WDR47: variants seen among roughly 807,000 people sequenced by gnomAD.
WDR47 encodes the protein WD repeat domain 47.
In WDR47, 32 loss-of-function variants were observed where a neutral mutation model predicts 97.2. The ratio of observed to expected loss-of-function variants is 0.33; its 90% CI spans 0.25 to 0.44. The LOEUF (loss-of-function observed/expected upper bound fraction) is 0.44. Ranked by LOEUF, WDR47 falls within the 20% of genes least tolerant of loss-of-function variation. The pLI is 1.00. For missense variants in WDR47, 782 were observed against 1,102.3 expected (o/e 0.71, Z 4.11); for synonymous variants, 375 against 373.5 (o/e 1.00, Z -0.05).
rs1557910465 is a variant in WDR47 at position 108,974,678 on chromosome 1, C to A, written c.2475G>T (p.Met825Ile). 1 of 1,614,002 alleles carries A rather than the reference C, an allele frequency of 6.2e-7. No homozygotes were observed. Among genetic ancestry groups the A allele is most frequent in the African/African-American group, 1.3e-5 (1 of 74,922 alleles). The change falls in exon 14 of 15, where the codon ATG becomes ATT. Residue 825 changes from methionine to isoleucine, a missense_variant. Around this residue, in one of 3 missense-constraint regions of WDR47, gnomAD observed 228 missense variants for 396.7 expected, o/e 0.57. Coordinates refer to ENST00000369962, the MANE Select transcript of WDR47 (RefSeq NM_001142551.2). Reference protein sequence around the residue: ...LATGQEDSSCMLYDIRGGRMV... With the variant: ...LATGQEDSSCILYDIRGGRMV... ...TTCTTCCTCCTCTTATGTCATACAA[C>A]ATGCAGCTAGAATCTTCTTGACCTG...
intron 13 of WDR47, among the ~76,000 whole-genome samples, chr1:108,978,508 A>T (rs1658100803): frequency 6.6e-6 from 1 of 150,554 alleles, no homozygotes; most frequent in East Asian, 1.9e-4. Context: ...AAAAAAAAAA[A>T]GAATTTTATG....
chr1:109,014,617 T>TA (rs746325424), intron 3 of WDR47, among the ~76,000 whole-genome samples: 37 of 151,786 alleles, frequency 2.4e-4, no homozygotes, highest in Non-Finnish European at 3.5e-4. Flanking sequence ...AATTGTTTTG[T>TA]AGAGACCGGG....
intron 1 of WDR47, among the ~76,000 whole-genome samples, chr1:109,027,813 T>C (rs965720902): frequency 3.9e-5 from 6 of 152,084 alleles, no homozygotes; most frequent in Non-Finnish European, 5.9e-5. Flanking sequence ...TGAGCCACCA[T>C]GCCCAGCTAT....
intron 5 of WDR47, among the ~76,000 whole-genome samples, chr1:109,005,656 C>T (rs1198238536): frequency 2.6e-5 from 4 of 151,904 alleles, no homozygotes; most frequent in Admixed American, 2.0e-4. Flanking sequence ...AGGCAGATCA[C>T]GAGGTCAGGA....
At chr1:108,981,948 C>G (rs1658376938) in intron 12 of WDR47, 84 bp from the exon 13 acceptor site, 1 of 1,454,094 alleles carries the variant, frequency 6.9e-7, no homozygotes, top group South Asian at 1.3e-5. Flanking sequence ...TAGAGTTGGG[C>G]AAGGTGGCTC....
At chr1:109,033,724 T>G (rs1279567044) in intron 1 of WDR47, among the ~76,000 whole-genome samples, 1 of 152,104 alleles carries the variant, frequency 6.6e-6, no homozygotes, top group African/African-American at 2.4e-5. Flanking sequence ...ATGGAGACCA[T>G]TCTGGCCAAC....
chr1:108,983,528 G>C, intron 10 of WDR47, 77 bp from the exon 11 acceptor site: 1 of 1,218,408 alleles, frequency 8.2e-7, no homozygotes, highest in Non-Finnish European at 1.1e-6. Flanking sequence ...TATTATACTT[G>C]TTCTTGAAGG....
chr1:108,979,709 A>G (rs138804044), intron 13 of WDR47, among the ~76,000 whole-genome samples: 2 of 152,354 alleles, frequency 1.3e-5, no homozygotes, highest in African/African-American at 4.8e-5. Flanking sequence ...TCCCTTATTC[A>G]CATACAAATT....
chr1:109,012,205 T>A (rs1323302469), intron 4 of WDR47, among the ~76,000 whole-genome samples: 1 of 152,160 alleles, frequency 6.6e-6, no homozygotes, highest in African/African-American at 2.4e-5. Context: ...ACTTTGCTAT[T>A]ATTCCAGCTT....
rs773950461 is a variant in WDR47, at chr1:109,004,687, T to C, written c.1159A>G (p.Ile387Val). The C allele has an allele frequency of 4.3e-6, 7 of 1,613,080 alleles. No homozygotes were observed. The highest frequency in any genetic ancestry group is 1.3e-5 in the African/African-American group (1 of 74,986). Residue 387 changes from isoleucine (I) to valine (V), a missense_variant, in exon 6 of 15, where the codon ATC (isoleucine) becomes GTC (valine). This residue lies in a region of WDR47 where 428 missense variants were observed against 584.3 expected (regional missense o/e 0.73). Transcript: ENST00000369962. The stretch of plus-strand genomic sequence containing the variant: ...CTCTGGCCCAAGATTTCACTGCCGA[T>C]AGGCCTCTGTGCATCAACAGGTGTA... ...RDTPVDAQRPIGSEILGQSSV... is the reference protein window; with the variant it reads ...RDTPVDAQRPVGSEILGQSSV...
At chr1:109,012,651 G>A (rs1429188290) in intron 4 of WDR47, among the ~76,000 whole-genome samples, 2 of 150,932 alleles carry the variant, frequency 1.3e-5, no homozygotes, top group Admixed American at 1.3e-4. Context: ...CAAAATGGAA[G>A]CTTAGCTGAG....
At chr1:108,999,228 C>CCA (rs1553231155) in intron 7 of WDR47, among the ~76,000 whole-genome samples, 1 of 120,928 alleles carries the variant, frequency 8.3e-6, no homozygotes, top group Admixed American at 8.2e-5. Flanking sequence ...ACTCTGTCCC[C>CCA]AAAAAAAAAA....
chr1:108,982,483 G>A, intron 12 of WDR47, 126 bp downstream of exon 12: 1 of 1,140,200 alleles, frequency 8.8e-7, no homozygotes, highest in Non-Finnish European at 1.2e-6. Flanking sequence ...AGTGAGCTGT[G>A]ATTGTGCCAC....
chr1:108,989,647 T>C (rs887918206), intron 9 of WDR47, among the ~76,000 whole-genome samples: 2 of 152,230 alleles, frequency 1.3e-5, no homozygotes, highest in African/African-American at 2.4e-5. Context: ...TAAAGATTGC[T>C]TTATAGCAGA....
intron 1 of WDR47, chr1:109,030,245 A>C: frequency 1.3e-6 from 2 of 1,551,468 alleles, no homozygotes; most frequent in Non-Finnish European, 1.7e-6. Flanking sequence ...TGGCTGCTCC[A>C]CTGTCCTCTG....
chr1:109,029,727 A>G (rs1233462251), intron 1 of WDR47, among the ~76,000 whole-genome samples: 1 of 150,340 alleles, frequency 6.7e-6, no homozygotes, highest in East Asian at 1.9e-4. Context: ...TTTTAAAAAA[A>G]TTACCCGGGC....
At chr1:108,989,486 T>A (rs1263907101) in intron 9 of WDR47, among the ~76,000 whole-genome samples, 1 of 152,240 alleles carries the variant, frequency 6.6e-6, no homozygotes, top group Non-Finnish European at 1.5e-5. Context: ...ATTATTTGTA[T>A]GAATTTGACT....
intron 2 of WDR47, among the ~76,000 whole-genome samples, chr1:109,022,923 G>C (rs964858878): frequency 6.7e-6 from 1 of 150,348 alleles, no homozygotes; most frequent in African/African-American, 2.4e-5. Context: ...TATTTTTTTA[G>C]GTCGGGTGCG....
chr1:108,971,475 T>C lies in WDR47; in HGVS notation c.2715A>G (p.Ser905=), dbSNP rs750917681. The C allele has an allele frequency of 6.2e-7, 1 of 1,614,218 alleles. No homozygotes were observed. Among genetic ancestry groups the C allele is most frequent in the African/African-American group, 1.3e-5 (1 of 75,050 alleles). The stretch of plus-strand genomic sequence containing the variant: ...GGGTGACAGTTCTATCTGCAGAGGA[T>C]GACAGGAAGGAAAGATCCTGGGTGT... The part of the protein sequence containing the change: ...RWHTQDLSFL[S]SSADRTVTLW... Residue 905 remains serine, a synonymous_variant, in exon 15 of 15, where the codon TCA becomes TCG. Coordinates refer to ENST00000369962, the MANE Select transcript of WDR47 (RefSeq NM_001142551.2).
Sources: gnomAD v4.1 joint callset for allele counts (sites outside exome capture counted in the v4.1 genomes callset) on GRCh38, gnomAD v4.1.1 for gene constraint, gnomAD v4.1.1 regional missense constraint, MANE v1.5 for transcripts, NCBI Gene and HGNC (gene_info 2026-07-23, HGNC 2026-07-21) for gene names.